Variants in SIMC1 observed in about 807,000 individuals in gnomAD.
The protein encoded by SIMC1 is SUMO-interacting motif-containing protein 1.
Under a neutral mutation model 82.3 loss-of-function variants are expected in SIMC1, and 55 were observed. The observed-to-expected ratio is 0.67, with a 90% CI of 0.54 to 0.84. SIMC1 has a LOEUF of 0.84. SIMC1 is among the 40% of genes least tolerant of loss of function. The pLI is 0.00. For synonymous variants in SIMC1, 353 were observed against 426.3 expected (o/e 0.83, Z 2.12); for missense variants, 915 against 1,107.2 (o/e 0.83, Z 2.46).
intron 1 of SIMC1, among the ~76,000 whole-genome samples, chr5:176,262,504 G>C (rs1377833025): frequency 6.6e-6 from 1 of 152,088 alleles, no homozygotes; most frequent in East Asian, 1.9e-4. Flanking sequence ...AAAGAAAACA[G>C]AAGAAAAGAA....
intron 4 of SIMC1, chr5:176,313,363 C>G (rs1764751181): frequency 6.6e-6 from 10 of 1,517,310 alleles, no homozygotes; most frequent in East Asian, 2.5e-5. Flanking sequence ...ATCTACAATC[C>G]TAGAGATTCC....
chr5:176,324,792 TA>T (rs142932031), intron 7 of SIMC1, 35 bp downstream of exon 7: 460 of 1,352,628 alleles, frequency 3.4e-4, no homozygotes, highest in East Asian at 8.5e-4. Flanking sequence ...AGCAGTTATT[TA>T]AAAAAAAAAC....
chr5:176,303,267 TTA>T (rs1491418326), intron 4 of SIMC1, among the ~76,000 whole-genome samples: 5 of 57,906 alleles, frequency 8.6e-5, no homozygotes, highest in African/African-American at 1.5e-4. Flanking sequence ...GACTCTGTCT[TTA>T]AAAAAAAAAA....
chr5:176,289,872 C>T lies in SIMC1; in HGVS notation c.348C>T (p.Ser116=). 1.2e-6 allele frequency: 2 copies of T among 1,613,952 alleles called. No homozygotes were observed. Among genetic ancestry groups the T allele is most frequent in the Non-Finnish European group, 1.7e-6 (2 of 1,179,858 alleles). The part of the protein sequence containing the change: ...KAVMEGHVDR[S]SQPTARRIIN... ...TGATGGAAGGGCACGTGGACAGAAG[C>T]TCTCAGCCTACAGCACGGAGAATCA... Residue 116 remains serine, a synonymous_variant, in exon 2 of 10, where the codon AGC becomes AGT. Transcript: ENST00000429602.
chr5:176,308,085 C>A, intron 4 of SIMC1: 1 of 739,984 alleles, frequency 1.4e-6, no homozygotes, highest in Non-Finnish European at 2.5e-6. Flanking sequence ...GTGGTGCAGG[C>A]GGTGCAGGCA....
intron 5 of SIMC1, among the ~76,000 whole-genome samples, chr5:176,315,305 G>A (rs767289069): frequency 3.3e-5 from 5 of 152,058 alleles, no homozygotes; most frequent in Admixed American, 6.6e-5. Context: ...TCAAACAGTC[G>A]GCTCTCGAGT....
intron 1 of SIMC1, among the ~76,000 whole-genome samples, chr5:176,280,052 C>T (rs1396178282): frequency 1.3e-5 from 2 of 152,094 alleles, no homozygotes; most frequent in Non-Finnish European, 2.9e-5. Context: ...TCTTGTTGAT[C>T]TGTCTAATGT....
intron 1 of SIMC1, among the ~76,000 whole-genome samples, chr5:176,248,061 T>G (rs1030677307): frequency 9.9e-5 from 15 of 152,086 alleles, no homozygotes; most frequent in African/African-American, 3.4e-4. Flanking sequence ...GCTTTGTTCT[T>G]TTTGCTTAGG....
chr5:176,323,114 C>T (rs901136121), intron 6 of SIMC1, among the ~76,000 whole-genome samples: 1 of 152,170 alleles, frequency 6.6e-6, no homozygotes, highest in African/African-American at 2.4e-5. Context: ...AATCTGGTTG[C>T]ACCAACCTGA....
At chr5:176,333,529 A>G (rs1210786370) in intron 7 of SIMC1, among the ~76,000 whole-genome samples, 1 of 151,580 alleles carries the variant, frequency 6.6e-6, no homozygotes, top group Non-Finnish European at 1.5e-5. Flanking sequence ...CCCAAGGCTC[A>G]AGTGATTCTC....
Position 176,338,527 on chromosome 5 carries a change from A to G in SIMC1, c.2413+1381A>G, listed in dbSNP as rs979633768. On this transcript the variant is annotated intron_variant, in intron 9 of 9. Transcript: ENST00000429602. ...TAGATTAGATAACATTATTGTGTCC[A>G]TATTAAATTCCCTATTTTTGATAAT... is the stretch of plus-strand genomic sequence containing the variant. Among the ~76,000 whole-genome samples, 4 of 152,294 alleles carry G rather than the reference A, an allele frequency of 2.6e-5. No individual in the cohort carries two copies. In the East Asian group the frequency reaches 5.8e-4, roughly 22 times the overall value.
chr5:176,327,217 CTTTAAA>C, intron 7 of SIMC1, among the ~76,000 whole-genome samples: 1 of 152,318 alleles, frequency 6.6e-6, no homozygotes, highest in East Asian at 1.9e-4. Flanking sequence ...CCTGGCCCTA[CTTTAAA>C]ATTCTCTCAG....
chr5:176,296,387 G>T, intron 4 of SIMC1, 67 bp downstream of exon 4: 1 of 1,612,058 alleles, frequency 6.2e-7, no homozygotes, highest in Non-Finnish European at 8.5e-7. Context: ...AGTGATATCA[G>T]GTGCCATGGC....
intron 1 of SIMC1, among the ~76,000 whole-genome samples, chr5:176,264,444 A>G (rs1762121987): frequency 6.6e-6 from 1 of 152,232 alleles, no homozygotes; most frequent in Non-Finnish European, 1.5e-5. Context: ...CTGTGTGTCT[A>G]CAGACTTAAC....
intron 2 of SIMC1, among the ~76,000 whole-genome samples, chr5:176,292,929 G>C (rs1356173806): frequency 2.6e-5 from 4 of 152,052 alleles, no homozygotes; most frequent in South Asian, 2.1e-4. Context: ...TTTAATAATT[G>C]GGATTTTTAA....
chr5:176,325,482 G>C (rs929494971), intron 7 of SIMC1, among the ~76,000 whole-genome samples: 1 of 151,952 alleles, frequency 6.6e-6, no homozygotes, highest in Non-Finnish European at 1.5e-5. Context: ...TCAGGAGATC[G>C]AGACCATCCT....
At chr5:176,246,270 A>C (rs181892778) in intron 1 of SIMC1, among the ~76,000 whole-genome samples, 11 of 152,082 alleles carry the variant, frequency 7.2e-5, no homozygotes, top group African/African-American at 2.4e-4. Context: ...TCGACCTCCC[A>C]AAGTGTTGGG....
chr5:176,299,281 T>C (rs550019619), intron 4 of SIMC1, among the ~76,000 whole-genome samples: 31 of 152,176 alleles, frequency 2.0e-4, no homozygotes, highest in African/African-American at 6.7e-4. Flanking sequence ...TTGTCCCAGC[T>C]ACTGTGGAGG....
chr5:176,335,023 G>A (rs72825333), intron 7 of SIMC1, among the ~76,000 whole-genome samples: 3 of 151,344 alleles, frequency 2.0e-5, no homozygotes, highest in East Asian at 2.0e-4. Flanking sequence ...CCCGGGGGGT[G>A]GGGGTGGAGG....
Sources: allele counts gnomAD v4.1 joint callset (sites outside exome capture counted in the v4.1 genomes callset), GRCh38; gene constraint gnomAD v4.1.1; transcripts MANE v1.5; gene names NCBI Gene and HGNC (gene_info 2026-07-23, HGNC 2026-07-21).